The following KLHL3 variants were observed in gnomAD, a reference collection of about 807,000 sequenced individuals.
KLHL3 encodes the protein kelch like family member 3, also known as kelch-like protein 3.
A neutral mutation model predicts 70.5 loss-of-function variants in KLHL3; 19 were observed. That is an observed-to-expected ratio of 0.27 (90% CI 0.19 to 0.40). The LOEUF (loss-of-function observed/expected upper bound fraction) is 0.40, where lower values mean the gene tolerates loss of function less well. KLHL3 is among the 10% of genes least tolerant of loss of function. The probability of loss-of-function intolerance (pLI) is 1.00; values close to 1 mark genes in which losing one functional copy is unlikely to be tolerated. For synonymous variants in KLHL3, 258 were observed against 290.3 expected (o/e 0.89, Z 1.13); for missense variants, 512 against 771.1 (o/e 0.66, Z 3.98).
intron 8 of KLHL3, among the ~76,000 whole-genome samples, chr5:137,656,259 T>C (rs1471788908): frequency 6.6e-6 from 1 of 151,626 alleles, no homozygotes. Flanking sequence ...GGACTGTCCA[T>C]AATATGCACA....
intron 3 of KLHL3, among the ~76,000 whole-genome samples, chr5:137,700,369 T>C (rs2149923300): frequency 6.6e-6 from 1 of 152,230 alleles, no homozygotes; most frequent in South Asian, 2.1e-4. Context: ...ACTTAAAAAA[T>C]AGAGCAGCCG....
chr5:137,707,058 C>T (rs907079838), intron 3 of KLHL3, among the ~76,000 whole-genome samples: 7 of 151,992 alleles, frequency 4.6e-5, no homozygotes, highest in Non-Finnish European at 8.8e-5. Context: ...GAAGGATGAA[C>T]GGGAGTCAGA....
intron 4 of KLHL3, among the ~76,000 whole-genome samples, chr5:137,695,258 T>C (rs1476602100): frequency 6.6e-6 from 1 of 152,236 alleles, no homozygotes; most frequent in African/African-American, 2.4e-5. Flanking sequence ...CTGTTCACAA[T>C]ACCCACTTAG....
chr5:137,623,032 G>T (rs777073839), intron 14 of KLHL3, among the ~76,000 whole-genome samples: 6 of 152,354 alleles, frequency 3.9e-5, no homozygotes, highest in Admixed American at 2.6e-4. Context: ...GAATGCTCAC[G>T]CAAGGCCAAG....
intron 7 of KLHL3, among the ~76,000 whole-genome samples, chr5:137,658,821 G>A (rs1021704071): frequency 2.6e-5 from 4 of 152,174 alleles, no homozygotes; most frequent in Non-Finnish European, 4.4e-5. Flanking sequence ...TCTCAGGGCA[G>A]AAAATCGGCC....
At chr5:137,677,709 G>C (rs1320477549) in intron 5 of KLHL3, 55 bp from the exon 6 acceptor site, 18 of 1,096,446 alleles carry the variant, frequency 1.6e-5, no homozygotes, top group South Asian at 3.1e-5. Context: ...ACACACTTCT[G>C]CCCTTCCATG....
chr5:137,672,916 A>C (rs1751796782), intron 6 of KLHL3: 1 of 152,274 alleles, frequency 6.6e-6, no homozygotes, highest in East Asian at 1.9e-4. Context: ...CTAACCCCTC[A>C]ACACCCACCA....
intron 6 of KLHL3, among the ~76,000 whole-genome samples, chr5:137,662,734 G>A (rs879593739): frequency 2.6e-5 from 4 of 152,160 alleles, no homozygotes; most frequent in Admixed American, 6.5e-5. Context: ...AAAATTCAAC[G>A]TTGGAGGGGC....
rs117314137 is a variant in KLHL3 at position 137,701,368 on chromosome 5, G to A, written c.242-2960C>T. ...CGGCCAAAATTGGCATTTCAAGAGG[G>A]ATTTACACATAGATACTAAGAGGCA... On this transcript the variant is annotated intron_variant, in intron 3 of 14. Coordinates refer to ENST00000309755, the MANE Select transcript of KLHL3 (RefSeq NM_017415.3). Among the ~76,000 whole-genome samples, 143 of 152,178 alleles carry A rather than the reference G, an allele frequency of 9.4e-4. 3 individuals are homozygous for A. The East Asian group carries it at 0.018, about 20-fold the overall frequency.
rs549778278 is a variant in KLHL3, at chr5:137,624,645, C to T, written c.1735+1108G>A. Among the ~76,000 whole-genome samples, 21 of 152,244 alleles carry T rather than the reference C, an allele frequency of 1.4e-4. No homozygotes were observed. In the East Asian group the frequency reaches 1.7e-3, roughly 13 times the overall value. Reference sequence around the variant, plus strand: ...GACCTTTATAATGCAAAATGGGAATCGGAAGAATATTCCTGGAGTCGTGGT... The same window carrying T: ...GACCTTTATAATGCAAAATGGGAATTGGAAGAATATTCCTGGAGTCGTGGT... On this transcript the variant is annotated intron_variant, in intron 14 of 14. Coordinates refer to ENST00000309755, the MANE Select transcript of KLHL3 (RefSeq NM_017415.3).
chr5:137,650,558 GC>G (rs1469889540), intron 8 of KLHL3, among the ~76,000 whole-genome samples: 5 of 152,216 alleles, frequency 3.3e-5, no homozygotes, highest in African/African-American at 1.2e-4. Context: ...GGTGGCTCAT[GC>G]CTGTAATCCC....
chr5:137,624,354 C>A (rs1750401092), intron 14 of KLHL3, among the ~76,000 whole-genome samples: 1 of 152,200 alleles, frequency 6.6e-6, no homozygotes, highest in Non-Finnish European at 1.5e-5. Context: ...CTTAACTCTT[C>A]CCCTCTCATT....
At chr5:137,623,841 T>C (rs1750383855) in intron 14 of KLHL3, among the ~76,000 whole-genome samples, 1 of 152,194 alleles carries the variant, frequency 6.6e-6, no homozygotes. Flanking sequence ...TATGATAGAA[T>C]ACCTGGCCCG....
chr5:137,620,580 A>G lies in KLHL3; in HGVS notation c.*1518T>C, dbSNP rs557577043. On this transcript the variant is annotated 3_prime_UTR_variant, in exon 15 of 15. Transcript: ENST00000309755. ...ACACAAGACTTCCCCTGCTTATGCC[A>G]GAAATTTCAGCATGAGCAATTTGCT... 2 of 152,370 alleles carry G rather than the reference A, an allele frequency of 1.3e-5. No individual in the cohort carries two copies. The highest frequency in any genetic ancestry group is 1.5e-5 in the Non-Finnish European group (1 of 68,040). 9.4% of individuals were successfully genotyped at this position (152,370 alleles called of 1,614,324 possible).
chr5:137,627,478 C>CG (rs1750499976), intron 13 of KLHL3, among the ~76,000 whole-genome samples: 2 of 82,946 alleles, frequency 2.4e-5, no homozygotes, highest in Admixed American at 2.1e-4. Flanking sequence ...AATATCACCA[C>CG]CCCCCCCCCC....
intron 13 of KLHL3, among the ~76,000 whole-genome samples, chr5:137,627,401 C>G (rs1019684635): frequency 2.0e-5 from 3 of 147,392 alleles, no homozygotes; most frequent in African/African-American, 7.4e-5. Flanking sequence ...TCCTGTAATT[C>G]TTTGCTCATG....
intron 6 of KLHL3, among the ~76,000 whole-genome samples, 193 bp from the exon 7 acceptor site, chr5:137,662,224 G>T (rs1048938666): frequency 2.0e-5 from 3 of 146,350 alleles, no homozygotes; most frequent in Non-Finnish European, 4.5e-5. Context: ...CTCAGAGAGT[G>T]ATCACACACA....
At chr5:137,664,538 T>C (rs991648303) in intron 6 of KLHL3, among the ~76,000 whole-genome samples, 1 of 151,658 alleles carries the variant, frequency 6.6e-6, no homozygotes, top group Non-Finnish European at 1.5e-5. Context: ...AAATCGAAAG[T>C]TGTTAAAGGC....
chr5:137,733,275 C>A (rs1309289881), intron 1 of KLHL3, among the ~76,000 whole-genome samples: 1 of 152,174 alleles, frequency 6.6e-6, no homozygotes, highest in Non-Finnish European at 1.5e-5. Context: ...GTTACCCGTG[C>A]TAAGATAATA....
Sources: gnomAD v4.1 joint callset for allele counts (sites outside exome capture counted in the v4.1 genomes callset) on GRCh38, gnomAD v4.1.1 for gene constraint, MANE v1.5 for transcripts, NCBI Gene and HGNC (gene_info 2026-07-23, HGNC 2026-07-21) for gene names.